The following PRKD1 variants were observed in gnomAD, a reference collection of about 807,000 sequenced individuals.
PRKD1 encodes protein kinase D1.
PRKD1 carries 63 observed loss-of-function variants against 95.9 expected under a neutral mutation model. That is an observed-to-expected ratio of 0.66 (90% confidence interval 0.54 to 0.81). The LOEUF (loss-of-function observed/expected upper bound fraction) is 0.81, where lower values mean the gene tolerates loss of function less well. Ranked by LOEUF, PRKD1 falls within the 30% of genes least tolerant of loss-of-function variation. The pLI is 0.00. For missense variants in PRKD1, 1,048 were observed against 1,165.3 expected, an observed-to-expected ratio of 0.90 and a Z score of 1.47; for synonymous variants, 425 against 423.1, an observed-to-expected ratio of 1.00 and a Z score of -0.05.
At chr14:29,851,924 T>C (rs1892324183) in intron 1 of PRKD1, among the ~76,000 whole-genome samples, 2 of 152,146 alleles carry the variant, frequency 1.3e-5, no homozygotes, top group African/African-American at 4.8e-5. Flanking sequence ...AATCATGTCC[T>C]TTGCAGCAAC....
At chr14:29,802,498 G>T (rs1890076216) in intron 1 of PRKD1, among the ~76,000 whole-genome samples, 1 of 152,190 alleles carries the variant, frequency 6.6e-6, no homozygotes, top group Non-Finnish European at 1.5e-5. Flanking sequence ...TCTAGACCTG[G>T]ATTACTTTAC....
At chr14:29,635,506 G>A (rs1163100202) in intron 7 of PRKD1, among the ~76,000 whole-genome samples, 2 of 152,088 alleles carry the variant, frequency 1.3e-5, no homozygotes, top group African/African-American at 2.4e-5. Context: ...TCATTTTATT[G>A]CTCTACTCTC....
At chr14:29,771,815 A>G (rs1346905012) in intron 1 of PRKD1, among the ~76,000 whole-genome samples, 3 of 152,248 alleles carry the variant, frequency 2.0e-5, no homozygotes, top group African/African-American at 4.8e-5. Flanking sequence ...CTGCAAAGGC[A>G]GGACATGGAA....
chr14:29,670,131 T>C (rs1882756034), intron 2 of PRKD1, among the ~76,000 whole-genome samples: 1 of 152,202 alleles, frequency 6.6e-6, no homozygotes, highest in Non-Finnish European at 1.5e-5. Context: ...CTTATGTAAG[T>C]AAAGCAGTCC....
In PRKD1 at chr14:29,636,414, G is replaced by A. The variant is rs769409362; in HGVS notation, c.1066C>T (p.Leu356Phe). 11 of 1,613,964 alleles carry A rather than the reference G, an allele frequency of 6.8e-6. No individual in the cohort carries two copies. The highest frequency in any genetic ancestry group is 4.5e-5 in the East Asian group (2 of 44,880). Residue 356 changes from leucine (L) to phenylalanine (F), a missense_variant, in exon 7 of 18, where the codon CTC becomes TTC. Leu to Phe is a conservative substitution (Grantham distance 22). Transcript: ENST00000331968. ...ATTGCTTCTTCCATATCATCCATGA[G>A]CCCACTGTTCCTTTCACTATCATTG... The part of the protein sequence containing the change: ...DDNDSERNSG[L>F]MDDMEEAMVQ...
In PRKD1 at chr14:29,885,124, TAAA is replaced by T. The variant is rs1220944588; in HGVS notation, c.264+42122_264+42124del. On this transcript the variant is annotated intron_variant, in intron 1 of 17. Transcript: ENST00000331968. ...GGCAACAGAGCGAGACTCCATCTTTTAAAAAAAAAAAAAAAAAAAGAATTAGTA... is the reference window on the plus strand; with the variant it reads ...GGCAACAGAGCGAGACTCCATCTTTTAAAAAAAAAAAAAAAAGAATTAGTA... 7.9e-3 allele frequency among the ~76,000 whole-genome samples: 1,037 copies of T among 131,062 alleles called. 11 individuals carry two copies. The highest frequency in any genetic ancestry group is 0.028 in the African/African-American group (976 of 35,090). The allele number at this position is 131,062 out of a possible 152,430, so 86.0% of individuals were successfully genotyped here.
At chr14:29,693,525 G>A (rs1884350094) in intron 2 of PRKD1, among the ~76,000 whole-genome samples, 1 of 150,762 alleles carries the variant, frequency 6.6e-6, no homozygotes, top group African/African-American at 2.4e-5. Flanking sequence ...GAATGACCTT[G>A]TAAACTGTTA....
At chr14:29,665,335 T>C (rs1882428745) in intron 3 of PRKD1, among the ~76,000 whole-genome samples, 1 of 152,174 alleles carries the variant, frequency 6.6e-6, no homozygotes, top group Non-Finnish European at 1.5e-5. Context: ...CCAAATGGTT[T>C]ATGTTCATTG....
chr14:29,775,508 C>T (rs551899755), intron 1 of PRKD1, among the ~76,000 whole-genome samples: 9 of 152,220 alleles, frequency 5.9e-5, no homozygotes, highest in Non-Finnish European at 4.4e-5. Flanking sequence ...TATCCCACGC[C>T]TGGCTCGAGG....
intron 1 of PRKD1, among the ~76,000 whole-genome samples, chr14:29,756,993 T>G (rs1304991897): frequency 6.6e-6 from 1 of 152,178 alleles, no homozygotes; most frequent in Non-Finnish European, 1.5e-5. Flanking sequence ...AACTTTAGAT[T>G]TATTTGTTGG....
intron 2 of PRKD1, among the ~76,000 whole-genome samples, chr14:29,707,793 A>C (rs1885160492): frequency 6.6e-6 from 1 of 151,880 alleles, no homozygotes; most frequent in Non-Finnish European, 1.5e-5. Flanking sequence ...CTGACTCCTG[A>C]CTCTAGATTG....
chr14:29,596,853 C>A (rs1420944173), intron 16 of PRKD1, among the ~76,000 whole-genome samples: 1 of 152,098 alleles, frequency 6.6e-6, no homozygotes, highest in Non-Finnish European at 1.5e-5. Context: ...TTTAAACAAT[C>A]TTTTGTCCTT....
chr14:29,613,085 G>C (rs1033573955), intron 13 of PRKD1, among the ~76,000 whole-genome samples: 8 of 135,020 alleles, frequency 5.9e-5, no homozygotes, highest in African/African-American at 2.1e-4. Context: ...GTGACAGAGC[G>C]AGACTCTGTC....
intron 2 of PRKD1, among the ~76,000 whole-genome samples, chr14:29,682,912 C>G (rs1000447534): frequency 3.9e-5 from 6 of 152,142 alleles, no homozygotes; most frequent in African/African-American, 1.4e-4. Flanking sequence ...TTCAGTTTGG[C>G]TGGTTAACAG....
chr14:29,805,234 G>T (rs1039707751), intron 1 of PRKD1, among the ~76,000 whole-genome samples: 5 of 152,322 alleles, frequency 3.3e-5, no homozygotes, highest in Middle Eastern at 3.4e-3. Flanking sequence ...AACTCCATTA[G>T]ATTGGTCGGG....
chr14:29,598,106 T>C (rs10135866), intron 15 of PRKD1, among the ~76,000 whole-genome samples: 64,284 of 151,120 alleles, frequency 0.43, 14,260 homozygotes, highest in African/African-American at 0.54. Context: ...GAGACCCCCA[T>C]CTCTACAAAA....
chr14:29,646,426 G>A (rs1308069998), intron 4 of PRKD1, among the ~76,000 whole-genome samples: 1 of 151,996 alleles, frequency 6.6e-6, no homozygotes, highest in Admixed American at 6.6e-5. Flanking sequence ...TCCTTAAAGT[G>A]AATGGATACC....
intron 13 of PRKD1, among the ~76,000 whole-genome samples, chr14:29,619,927 T>C (rs968325909): frequency 6.6e-6 from 1 of 151,862 alleles, no homozygotes; most frequent in African/African-American, 2.4e-5. Flanking sequence ...CAAACTATAC[T>C]ACAAGGCTAC....
Position 29,731,877 on chromosome 14 carries a change from T to A in PRKD1, c.265-6203A>T, listed in dbSNP as rs201881798. On this transcript the variant is annotated intron_variant, in intron 1 of 17. Transcript: ENST00000331968. The stretch of plus-strand genomic sequence containing the variant: ...GTCTGACAATCTCTACTTTTTTTTT[T>A]TTTTTTTTTTTTTTGAGACCGAATC... Among the ~76,000 whole-genome samples, 16 of 151,698 alleles carry A rather than the reference T, an allele frequency of 1.1e-4. No homozygotes were observed. In the East Asian group the frequency reaches 2.9e-3, roughly 28 times the overall value.
Sources: gnomAD v4.1 joint callset for allele counts (sites outside exome capture counted in the v4.1 genomes callset) on GRCh38, gnomAD v4.1.1 for gene constraint, MANE v1.5 for transcripts, NCBI Gene and HGNC (gene_info 2026-07-23, HGNC 2026-07-21) for gene names.